The following ARHGAP29 variants were observed in gnomAD, a reference collection of about 807,000 sequenced individuals.
ARHGAP29 encodes the protein rho GTPase-activating protein 29.
In ARHGAP29, 43 loss-of-function variants were observed where a neutral mutation model predicts 122.6. That is an observed-to-expected ratio of 0.35 (90% confidence interval 0.27 to 0.45). The LOEUF (loss-of-function observed/expected upper bound fraction) is 0.45, where lower values mean the gene tolerates loss of function less well. Among genes scored for constraint, ARHGAP29 ranks in the 20% least tolerant of loss-of-function variants. ARHGAP29 has a pLI of 1.00. For missense variants in ARHGAP29, 1,303 were observed against 1,477.2 expected (o/e 0.88, Z 1.93); for synonymous variants, 506 against 497.1 (o/e 1.02, Z -0.24).
At chr1:94,243,391 A>G (rs963642607) in intron 1 of ARHGAP29, among the ~76,000 whole-genome samples, 3 of 152,102 alleles carry the variant, frequency 2.0e-5, no homozygotes, top group African/African-American at 7.2e-5. Context: ...CTAGTAACAG[A>G]AAGATAGTCA....
intron 1 of ARHGAP29, among the ~76,000 whole-genome samples, chr1:94,256,371 T>A (rs1654346345): frequency 6.6e-6 from 1 of 152,056 alleles, no homozygotes; most frequent in Admixed American, 6.6e-5. Flanking sequence ...CACATACAAA[T>A]GGGCAGAGAA....
chr1:94,181,752 A>G (rs1013159571), intron 19 of ARHGAP29, among the ~76,000 whole-genome samples: 2 of 152,190 alleles, frequency 1.3e-5, no homozygotes, highest in Non-Finnish European at 2.9e-5. Context: ...GAAAACAACA[A>G]CAACAACAAC....
the ARHGAP29 span, among the ~76,000 whole-genome samples, chr1:94,300,128 T>C: frequency 2.0e-5 from 3 of 152,230 alleles, no homozygotes; most frequent in African/African-American, 7.2e-5. Context: ...TTCTTCCTTC[T>C]TGCTGAGAGC....
intron 1 of ARHGAP29, among the ~76,000 whole-genome samples, chr1:94,260,689 A>G (rs1189207442): frequency 6.6e-6 from 1 of 152,178 alleles, no homozygotes; most frequent in Non-Finnish European, 1.5e-5. Context: ...AAAAGAAACC[A>G]TGTGATAGCA....
intron 1 of ARHGAP29, among the ~76,000 whole-genome samples, chr1:94,266,214 G>A (rs1311850564): frequency 6.6e-6 from 1 of 152,198 alleles, no homozygotes; most frequent in Non-Finnish European, 1.5e-5. Flanking sequence ...CATGTCCAGA[G>A]CAGTGAGTCA....
chr1:94,183,408 C>T (rs1401775926), intron 19 of ARHGAP29, among the ~76,000 whole-genome samples: 1 of 152,006 alleles, frequency 6.6e-6, no homozygotes, highest in Non-Finnish European at 1.5e-5. Flanking sequence ...CCATAAGCTG[C>T]TGCTTGATGC....
chr1:94,261,626 C>A (rs952291587), intron 1 of ARHGAP29, among the ~76,000 whole-genome samples: 2 of 152,144 alleles, frequency 1.3e-5, no homozygotes, highest in South Asian at 4.2e-4. Context: ...AAGCTGAGAA[C>A]CAAATCAGGA....
the ARHGAP29 span, among the ~76,000 whole-genome samples, chr1:94,293,657 AG>A: frequency 2.0e-5 from 3 of 152,180 alleles, no homozygotes; most frequent in Admixed American, 2.0e-4. Flanking sequence ...ACTCTCAAGC[AG>A]TTGTTTATAG....
At chr1:94,198,309 T>A (rs1299057356) in intron 12 of ARHGAP29, among the ~76,000 whole-genome samples, 1 of 151,910 alleles carries the variant, frequency 6.6e-6, no homozygotes, top group African/African-American at 2.4e-5. Context: ...AAACCCAGTC[T>A]CCACAAAAAA....
chr1:94,169,727 C>G lies in ARHGAP29; in HGVS notation c.*4142G>C, dbSNP rs1215089723. ...CATTTCCCATTTAAAGAAACCAGGG[C>G]TCCTTGGAAAAAAGGGCTAATTCTA... On this transcript the variant is annotated 3_prime_UTR_variant, in exon 23 of 23. Transcript: ENST00000260526. 6.6e-6 allele frequency among the ~76,000 whole-genome samples: 1 copy of G among 151,924 alleles called. No homozygotes were observed. Among genetic ancestry groups the G allele is most frequent in the South Asian group, 2.1e-4 (1 of 4,822 alleles).
chr1:94,289,719 T>C, the ARHGAP29 span, among the ~76,000 whole-genome samples: 1 of 152,204 alleles, frequency 6.6e-6, no homozygotes, highest in Non-Finnish European at 1.5e-5. Context: ...TGAATTTTGT[T>C]GAAGGCCGTT....
upstream of ARHGAP29, among the ~76,000 whole-genome samples, chr1:94,279,289 T>C (rs1368183173): frequency 6.6e-6 from 1 of 152,206 alleles, no homozygotes. Flanking sequence ...TTACTTGCTG[T>C]GCAATTCCAT....
the ARHGAP29 span, among the ~76,000 whole-genome samples, chr1:94,294,155 G>A: frequency 1.2e-4 from 18 of 152,228 alleles, no homozygotes; most frequent in African/African-American, 4.3e-4. Flanking sequence ...AGAAGGATTT[G>A]GGCAGAGTGT....
exon 1 of ARHGAP29, chr1:94,275,017 G>C (rs1655130822): frequency 6.6e-6 from 1 of 152,248 alleles, no homozygotes; most frequent in South Asian, 2.1e-4. Context: ...CTCACCCAAA[G>C]AGCAGCATGT....
At position 94,231,387 on chromosome 1, in the gene ARHGAP29, C is replaced by T. The variant is rs371677513; in HGVS notation, c.205+20G>A. 1.9e-6 allele frequency: 3 copies of T among 1,597,176 alleles called. No individual in the cohort carries two copies. The highest frequency in any genetic ancestry group is 2.2e-5 in the East Asian group (1 of 44,744). On this transcript the variant is annotated intron_variant, in intron 2 of 22. Transcript: ENST00000260526. ...TTTTACAAACTATCCAGCAAGAATGCTAATAGAAAAGTGACAAACCTGAAA... is the reference window on the plus strand; with the variant it reads ...TTTTACAAACTATCCAGCAAGAATGTTAATAGAAAAGTGACAAACCTGAAA...
chr1:94,305,868 T>C, the ARHGAP29 span, among the ~76,000 whole-genome samples: 1 of 152,192 alleles, frequency 6.6e-6, no homozygotes. Flanking sequence ...TGGTTAATCA[T>C]ACATATGATA....
At chr1:94,176,126 T>C (rs1649074567) in intron 22 of ARHGAP29, among the ~76,000 whole-genome samples, 1 of 152,194 alleles carries the variant, frequency 6.6e-6, no homozygotes, top group Non-Finnish European at 1.5e-5. Context: ...AGGGAAAAAC[T>C]TAGAGCATAA....
At chr1:94,312,327 C>A in the ARHGAP29 span, among the ~76,000 whole-genome samples, 2 of 151,236 alleles carry the variant, frequency 1.3e-5, no homozygotes, top group Admixed American at 6.6e-5. Context: ...TCTGATCCGG[C>A]CTTCCTCCTT....
At chr1:94,189,469 T>C (rs1271002853) in intron 13 of ARHGAP29, 117 bp from the exon 14 acceptor site, 1 of 1,248,176 alleles carries the variant, frequency 8.0e-7, no homozygotes, top group Non-Finnish European at 1.1e-6. Context: ...AGAATTAAAC[T>C]AAATATTAAA....
Sources: allele counts gnomAD v4.1 joint callset (sites outside exome capture counted in the v4.1 genomes callset), GRCh38; gene constraint gnomAD v4.1.1; transcripts MANE v1.5; gene names NCBI Gene and HGNC (gene_info 2026-07-23, HGNC 2026-07-21).